RARB: variants seen among roughly 807,000 people sequenced by gnomAD.
RARB encodes the protein HBV-activated protein.
In RARB, 17 loss-of-function variants were observed where a neutral mutation model predicts 51.9. The ratio of observed to expected loss-of-function variants is 0.33; its 90% CI spans 0.22 to 0.49. RARB has a LOEUF of 0.49. RARB is among the 20% of genes least tolerant of loss of function. The probability of loss-of-function intolerance (pLI) is 0.99; values close to 1 mark genes in which losing one functional copy is unlikely to be tolerated. For missense variants in RARB, 369 were observed against 550.8 expected (o/e 0.67, Z 3.30); for synonymous variants, 215 against 195.4 (o/e 1.10, Z -0.84).
chr3:25,329,805 T>C (rs1395998901), intron 5 of RARB, among the ~76,000 whole-genome samples: 1 of 152,040 alleles, frequency 6.6e-6, no homozygotes, highest in Non-Finnish European at 1.5e-5. Flanking sequence ...ATAACCAGTG[T>C]AGAGAAGTCC....
intron 5 of RARB, among the ~76,000 whole-genome samples, chr3:25,268,623 A>G (rs35860270): frequency 0.1 from 15,781 of 152,172 alleles, 999 homozygotes; most frequent in South Asian, 0.25. Context: ...TTGTTGTACA[A>G]ACATTCCTGG....
At chr3:25,457,583 C>T (rs1262676619) in intron 1 of RARB, among the ~76,000 whole-genome samples, 1 of 152,162 alleles carries the variant, frequency 6.6e-6, no homozygotes, top group Non-Finnish European at 1.5e-5. Flanking sequence ...TTGTAAAATG[C>T]TTTGGGATCT....
intron 2 of RARB, among the ~76,000 whole-genome samples, chr3:24,996,133 A>G (rs567054534): frequency 6.6e-6 from 1 of 152,124 alleles, no homozygotes; most frequent in Non-Finnish European, 1.5e-5. Flanking sequence ...ATTCAATCCC[A>G]TGCCTTGTTA....
chr3:25,488,849 G>C (rs1696592580), intron 2 of RARB, among the ~76,000 whole-genome samples: 2 of 152,184 alleles, frequency 1.3e-5, no homozygotes. Context: ...CATCCATTAG[G>C]CTGCCTTTAA....
chr3:24,847,408 A>G (rs1236833801), intron 1 of RARB, among the ~76,000 whole-genome samples: 1 of 152,164 alleles, frequency 6.6e-6, no homozygotes. Flanking sequence ...TTGTTCTTCA[A>G]AGTCTTAGTT....
chr3:24,892,533 T>A (rs574797578), intron 2 of RARB, among the ~76,000 whole-genome samples: 1 of 152,218 alleles, frequency 6.6e-6, no homozygotes, highest in South Asian at 2.1e-4. Flanking sequence ...AGTTAAGATA[T>A]GAGGCTTTTG....
At chr3:25,114,215 A>T (rs778108648) in intron 3 of RARB, among the ~76,000 whole-genome samples, 1 of 152,180 alleles carries the variant, frequency 6.6e-6, no homozygotes, top group Non-Finnish European at 1.5e-5. Context: ...AGCTTGGAGC[A>T]ATGGAAAGTA....
At chr3:24,961,022 T>C (rs150024136) in intron 2 of RARB, among the ~76,000 whole-genome samples, 1 of 152,334 alleles carries the variant, frequency 6.6e-6, no homozygotes, top group African/African-American at 2.4e-5. Context: ...ATTTTCTTAT[T>C]TGTCAAATTT....
chr3:25,460,145 C>T (rs1227328413), intron 1 of RARB, among the ~76,000 whole-genome samples: 1 of 152,174 alleles, frequency 6.6e-6, no homozygotes, highest in East Asian at 1.9e-4. Flanking sequence ...CCTACTGCTT[C>T]TCAAATGTTA....
intron 5 of RARB, among the ~76,000 whole-genome samples, chr3:25,421,395 C>CTTCTT (rs1707855653): frequency 5.4e-5 from 5 of 92,190 alleles, no homozygotes; most frequent in African/African-American, 1.8e-4. Flanking sequence ...AACATTTTTT[C>CTTCTT]TTCTTTTCTT....
chr3:25,276,779 G>C (rs766547364), intron 5 of RARB, among the ~76,000 whole-genome samples: 1 of 152,220 alleles, frequency 6.6e-6, no homozygotes, highest in Non-Finnish European at 1.5e-5. Flanking sequence ...CCCAATGGCT[G>C]TGTGAAGACC....
At chr3:25,455,146 A>G (rs968083615) in intron 1 of RARB, among the ~76,000 whole-genome samples, 25 of 152,248 alleles carry the variant, frequency 1.6e-4, no homozygotes, top group Non-Finnish European at 2.5e-4. Context: ...AGAGAAGTTC[A>G]GACATTGAGA....
intron 5 of RARB, among the ~76,000 whole-genome samples, chr3:25,296,332 C>T (rs1703913721): frequency 6.6e-6 from 1 of 152,016 alleles, no homozygotes. Flanking sequence ...GCTGGAAGTT[C>T]CTACTTAGAG....
chr3:25,434,163 C>A (rs928167918), intron 1 of RARB, among the ~76,000 whole-genome samples: 10 of 152,166 alleles, frequency 6.6e-5, no homozygotes, highest in African/African-American at 2.4e-4. Flanking sequence ...AGTCTCTAGG[C>A]TTCCCCCAGC....
Position 25,047,572 on chromosome 3 carries a change from G to C in RARB, c.-379-12553G>C, listed in dbSNP as rs112156177. Among the ~76,000 whole-genome samples, 896 of 152,328 alleles carry C rather than the reference G, an allele frequency of 5.9e-3. 4 individuals are homozygous for C. The highest frequency in any genetic ancestry group is 9.5e-3 in the Non-Finnish European group (647 of 68,038). ...GTAACTAGAGGCCATTGTGTACATGGGGAAATGAAGGGCAGTAGCATATTT... is the reference window on the plus strand; with the variant it reads ...GTAACTAGAGGCCATTGTGTACATGCGGAAATGAAGGGCAGTAGCATATTT... On this transcript the variant is annotated intron_variant, in intron 2 of 11. Transcript: ENST00000383772.
intron 2 of RARB, among the ~76,000 whole-genome samples, chr3:24,887,893 G>A (rs1205776987): frequency 6.6e-6 from 1 of 152,158 alleles, no homozygotes; most frequent in African/African-American, 2.4e-5. Flanking sequence ...GGCCTTGAGG[G>A]AGAGGTGGTG....
At chr3:25,495,817 A>T (rs370022708) in intron 2 of RARB, among the ~76,000 whole-genome samples, 1 of 152,356 alleles carries the variant, frequency 6.6e-6, no homozygotes, top group East Asian at 1.9e-4. Flanking sequence ...TGGTTAATCA[A>T]GAAAAGTCAT....
chr3:25,480,842 A>G (rs1696191856), intron 2 of RARB, among the ~76,000 whole-genome samples: 1 of 152,132 alleles, frequency 6.6e-6, no homozygotes, highest in African/African-American at 2.4e-5. Context: ...ATTCTTTGCT[A>G]CTGCATGCCT....
intron 2 of RARB, among the ~76,000 whole-genome samples, chr3:25,034,274 C>T (rs1340103767): frequency 1.3e-5 from 2 of 152,186 alleles, no homozygotes; most frequent in East Asian, 1.9e-4. Flanking sequence ...CGCACCACTG[C>T]ACTCCAGCCT....
Sources: gnomAD v4.1 joint callset for allele counts (sites outside exome capture counted in the v4.1 genomes callset) on GRCh38, gnomAD v4.1.1 for gene constraint, MANE v1.5 for transcripts, NCBI Gene and HGNC (gene_info 2026-07-23, HGNC 2026-07-21) for gene names.